TTC39B: variants seen among roughly 807,000 people sequenced by gnomAD.
TTC39B encodes tetratricopeptide repeat domain 39B.
TTC39B carries 92 observed loss-of-function variants against 96.6 expected under a neutral mutation model. The observed-to-expected ratio is 0.95, with a 90% CI of 0.80 to 1.13. The LOEUF (loss-of-function observed/expected upper bound fraction) is 1.13. Among genes scored for constraint, TTC39B ranks in the 50% most tolerant of loss-of-function variants. The pLI, the probability that TTC39B is intolerant of heterozygous loss-of-function variation, is 0.00. For synonymous variants in TTC39B, 367 were observed against 299.4 expected (o/e 1.23, Z -2.33); for missense variants, 955 against 809.3 (o/e 1.18, Z -2.18).
chr9:15,268,314 T>C (rs1384192400), intron 1 of TTC39B, among the ~76,000 whole-genome samples: 1 of 152,162 alleles, frequency 6.6e-6, no homozygotes, highest in Admixed American at 6.5e-5. Context: ...CTTTTCTTTC[T>C]CCATGGCTAG....
chr9:15,228,443 G>A (rs1821247246), intron 2 of TTC39B, among the ~76,000 whole-genome samples: 2 of 151,740 alleles, frequency 1.3e-5, no homozygotes, highest in Non-Finnish European at 2.9e-5. Flanking sequence ...CAGCCTGGGT[G>A]ACAAGAGTGA....
rs952526163 is a variant in TTC39B, at chr9:15,306,242, C to T, written c.240+842G>A. On this transcript the variant is annotated intron_variant, in intron 1 of 19. Coordinates refer to ENST00000512701, the Ensembl canonical transcript of TTC39B. This position sits in a 1 kb window ranked among gnomAD's most constrained non-coding sequence, Gnocchi z 5.1. ...GGAGCCTCGGTCTCAACTTCAAGAG[C>T]AGGGAGAGCGCTGTCTCTGGAGTTG... 7.9e-5 allele frequency among the ~76,000 whole-genome samples: 12 copies of T among 152,198 alleles called. No individual in the cohort carries two copies. The highest frequency in any genetic ancestry group is 1.8e-4 in the Non-Finnish European group (12 of 68,036).
chr9:15,259,006 A>G (rs1395384124), intron 2 of TTC39B, among the ~76,000 whole-genome samples: 1 of 152,186 alleles, frequency 6.6e-6, no homozygotes, highest in African/African-American at 2.4e-5. Flanking sequence ...ACAGCAGACC[A>G]TTAGAGTAGA....
In TTC39B at chr9:15,248,264, C is replaced by T. The variant is rs565298363; in HGVS notation, c.275+19650G>A. Among the ~76,000 whole-genome samples, 52 of 152,296 alleles carry T rather than the reference C, an allele frequency of 3.4e-4. 1 individual carries two copies. Among genetic ancestry groups the T allele is most frequent in the Non-Finnish European group, 2.8e-4 (19 of 68,016 alleles). ...AGCAGAACCATTTCTCACTTACTGA[C>T]CTAAACTCAGCACTTACTATAGCAC... On this transcript the variant is annotated intron_variant, in intron 2 of 19. Transcript: ENST00000512701.
chr9:15,276,801 C>T (rs576686047), intron 1 of TTC39B, among the ~76,000 whole-genome samples: 3 of 152,116 alleles, frequency 2.0e-5, no homozygotes, highest in Admixed American at 6.5e-5. Flanking sequence ...AGATTCCAGC[C>T]GCCCACTGGG....
Position 15,225,829 on chromosome 9 carries a change from T to C in TTC39B, c.371+88A>G, listed in dbSNP as rs1252222580. The C allele has an allele frequency of 3.3e-5, 41 of 1,226,798 alleles. 1 individual carries two copies. In the South Asian group the frequency reaches 5.3e-4, roughly 16 times the overall value. The allele number at this position is 1,226,798 out of a possible 1,614,324, so 76.0% of individuals were successfully genotyped here. A position where few individuals can be genotyped will look rare whatever the true frequency, so the allele number is the denominator to read the frequency against. ...GACCTCATTGGTTTGTCAAACGCAA[T>C]GCACTATGCAAATATCAGTATTATA... is the stretch of plus-strand genomic sequence containing the variant. On this transcript the variant is annotated intron_variant, in intron 3 of 19. Transcript: ENST00000512701.
At chr9:15,212,608 G>T (rs1820271230) in intron 4 of TTC39B, among the ~76,000 whole-genome samples, 1 of 152,090 alleles carries the variant, frequency 6.6e-6, no homozygotes, top group African/African-American at 2.4e-5. Context: ...TGTATTTTTA[G>T]TAGAGACAGG....
intron 1 of TTC39B, among the ~76,000 whole-genome samples, chr9:15,277,999 T>C (rs1019824133): frequency 1.3e-5 from 2 of 152,204 alleles, no homozygotes; most frequent in Non-Finnish European, 2.9e-5. Context: ...CAGATGTCAC[T>C]GTCACAAAAA....
intron 6 of TTC39B, among the ~76,000 whole-genome samples, chr9:15,209,036 C>T (rs928095499): frequency 6.6e-6 from 1 of 152,114 alleles, no homozygotes; most frequent in Admixed American, 6.5e-5. Flanking sequence ...ATTTTGTGTT[C>T]TCTAGTATGG....
intron 2 of TTC39B, among the ~76,000 whole-genome samples, chr9:15,256,847 C>T (rs1320473763): frequency 6.6e-6 from 1 of 152,142 alleles, no homozygotes; most frequent in East Asian, 1.9e-4. Flanking sequence ...CTCGATGAGG[C>T]AGAAGCAGTA....
At chr9:15,171,997 A>C (rs1817685668) in exon 20 of TTC39B, 57 of 1,590,140 alleles carry the variant, frequency 3.6e-5, no homozygotes, top group Non-Finnish European at 4.8e-5. Flanking sequence ...ATTGAGGAAA[A>C]ATTCCATCCT....
intron 1 of TTC39B, among the ~76,000 whole-genome samples, chr9:15,272,990 T>C (rs993614460): frequency 2.6e-5 from 4 of 152,302 alleles, no homozygotes; most frequent in African/African-American, 4.8e-5. Flanking sequence ...ATCCTGATCG[T>C]AGAACTGACA....
At chr9:15,289,636 C>G (rs1824108686) in intron 1 of TTC39B, among the ~76,000 whole-genome samples, 1 of 152,172 alleles carries the variant, frequency 6.6e-6, no homozygotes, top group African/African-American at 2.4e-5. Flanking sequence ...GAACAGATAC[C>G]ACAAATCTGA....
Position 15,299,771 on chromosome 9 carries a change from G to C in TTC39B, c.240+7313C>G, listed in dbSNP as rs371868450. 8.5e-5 allele frequency among the ~76,000 whole-genome samples: 13 copies of C among 152,268 alleles called. No individual in the cohort carries two copies. In the East Asian group the frequency reaches 1.9e-3, roughly 23 times the overall value. Reference sequence around the variant, plus strand: ...AACTCTGAGCTTCACTGAACTCACAGTATCAGATTCACACTAAATGACTGG... The same window carrying C: ...AACTCTGAGCTTCACTGAACTCACACTATCAGATTCACACTAAATGACTGG... On this transcript the variant is annotated intron_variant, in intron 1 of 19. Coordinates refer to ENST00000512701, the Ensembl canonical transcript of TTC39B.
intron 8 of TTC39B, among the ~76,000 whole-genome samples, chr9:15,198,309 T>C (rs1819301145): frequency 6.6e-6 from 1 of 151,728 alleles, no homozygotes; most frequent in Non-Finnish European, 1.5e-5. Context: ...ATACAAAAAT[T>C]AGCTGGCCGT....
At chr9:15,275,604 C>A (rs1823514024) in intron 1 of TTC39B, among the ~76,000 whole-genome samples, 1 of 152,066 alleles carries the variant, frequency 6.6e-6, no homozygotes, top group South Asian at 2.1e-4. Context: ...GGAGGATACG[C>A]CCATGATGAA....
At chr9:15,261,116 C>T (rs1822928968) in intron 2 of TTC39B, among the ~76,000 whole-genome samples, 1 of 152,112 alleles carries the variant, frequency 6.6e-6, no homozygotes, top group Non-Finnish European at 1.5e-5. Flanking sequence ...TAATCAGTGC[C>T]CAACCAGGAC....
intron 1 of TTC39B, among the ~76,000 whole-genome samples, chr9:15,275,528 G>A (rs142688697): frequency 1.1e-3 from 170 of 152,286 alleles, no homozygotes; most frequent in Non-Finnish European, 1.9e-3. Flanking sequence ...TACCAGCATC[G>A]ATACGCCAAG....
At chr9:15,265,967 A>C (rs185766946) in intron 2 of TTC39B, among the ~76,000 whole-genome samples, 13 of 152,350 alleles carry the variant, frequency 8.5e-5, no homozygotes, top group African/African-American at 3.1e-4. Context: ...CTAAGGGGAC[A>C]TGACGACTAA....
Sources: allele counts gnomAD v4.1 joint callset (sites outside exome capture counted in the v4.1 genomes callset), GRCh38; gene constraint gnomAD v4.1.1; non-coding constraint Gnocchi (gnomAD v3.1); transcripts MANE v1.5; gene names NCBI Gene and HGNC (gene_info 2026-07-23, HGNC 2026-07-21).